Variants in SVOPL observed in about 807,000 individuals in gnomAD.
The protein encoded by SVOPL is SVOP like, also known as putative transporter SVOPL.
SVOPL carries 60 observed loss-of-function variants against 61.0 expected under a neutral mutation model. The ratio of observed to expected loss-of-function variants is 0.98; its 90% CI spans 0.80 to 1.22. The LOEUF is 1.22. Among genes scored for constraint, SVOPL ranks in the 50% most tolerant of loss-of-function variants. The pLI is 0.00. For synonymous variants in SVOPL, 279 were observed against 250.0 expected (o/e 1.12, Z -1.09); for missense variants, 662 against 643.9 (o/e 1.03, Z -0.30).
chr7:138,696,178 G>A (rs1015737467), intron 1 of SVOPL, among the ~76,000 whole-genome samples: 2 of 152,132 alleles, frequency 1.3e-5, no homozygotes, highest in Non-Finnish European at 2.9e-5. Flanking sequence ...CTCACATGTT[G>A]TTGACATGTT....
intron 14 of SVOPL, among the ~76,000 whole-genome samples, chr7:138,597,917 G>A (rs1798347557): frequency 6.6e-6 from 1 of 152,152 alleles, no homozygotes; most frequent in Non-Finnish European, 1.5e-5. Context: ...GGTTGAGTTT[G>A]TTTGGGTCAC....
chr7:138,646,724 G>T (rs539112741), intron 8 of SVOPL, among the ~76,000 whole-genome samples: 1 of 152,190 alleles, frequency 6.6e-6, no homozygotes, highest in African/African-American at 2.4e-5. Flanking sequence ...CTGCCATGTT[G>T]CCCGGGCTGG....
chr7:138,689,166 T>A (rs1036882067), intron 1 of SVOPL: 13 of 1,011,606 alleles, frequency 1.3e-5, no homozygotes, highest in Non-Finnish European at 1.7e-5. Context: ...ATTCCGATGT[T>A]ACAATGGTGG....
intron 13 of SVOPL, among the ~76,000 whole-genome samples, chr7:138,623,823 A>G (rs558685460): frequency 1.1e-4 from 17 of 152,172 alleles, no homozygotes; most frequent in African/African-American, 4.1e-4. Flanking sequence ...TAAAGTCAAT[A>G]ATTTTTTTTT....
chr7:138,641,180 CAG>C lies in SVOPL; in HGVS notation c.789+3535_789+3536del, dbSNP rs1411863370. 5.5e-5 allele frequency among the ~76,000 whole-genome samples: 8 copies of C among 144,496 alleles called. No individual in the cohort carries two copies. In the East Asian group the frequency reaches 1.6e-3, roughly 29 times the overall value. 94.8% of individuals were successfully genotyped at this position (144,496 alleles called of 152,430 possible). On this transcript the variant is annotated intron_variant, in intron 9 of 15. Transcript: ENST00000674285. Reference sequence around the variant, plus strand: ...TACTACTGCACTCCAACCGAGGTGACAGAGTGAGACCCCATCACAAAAAATAA... The same window carrying C: ...TACTACTGCACTCCAACCGAGGTGACAGTGAGACCCCATCACAAAAAATAA...
chr7:138,631,306 T>C (rs1320965417), intron 9 of SVOPL, among the ~76,000 whole-genome samples: 1 of 152,196 alleles, frequency 6.6e-6, no homozygotes, highest in Non-Finnish European at 1.5e-5. Flanking sequence ...GGGGTATCCA[T>C]CCCCTCAACC....
At chr7:138,665,365 A>C (rs1802223046) in intron 4 of SVOPL, among the ~76,000 whole-genome samples, 1 of 151,378 alleles carries the variant, frequency 6.6e-6, no homozygotes, top group Non-Finnish European at 1.5e-5. Flanking sequence ...GTTTAGCACA[A>C]TTGTTCCCAG....
At position 138,597,641 on chromosome 7, in the gene SVOPL, C is replaced by CGTGTGTGTGTGTGTGTGT. The variant is rs60875635; in HGVS notation, c.1354-1129_1354-1112dup. On this transcript the variant is annotated intron_variant, in intron 14 of 15. Coordinates refer to ENST00000674285, the MANE Select transcript of SVOPL (RefSeq NM_001139456.2). ...CAAACAGGAGTTTGTATAACGTCTG[C>CGTGTGTGTGTGTGTGTGT]GTGTGTGTGTGTGTGTGTGTGTGTG... Among the ~76,000 whole-genome samples, 96 of 147,616 alleles carry CGTGTGTGTGTGTGTGTGT rather than the reference C, an allele frequency of 6.5e-4. 1 individual carries two copies. The highest frequency in any genetic ancestry group is 2.7e-3 in the Admixed American group (40 of 14,650).
At chr7:138,618,596 G>T (rs975407560) in intron 14 of SVOPL, among the ~76,000 whole-genome samples, 1 of 152,154 alleles carries the variant, frequency 6.6e-6, no homozygotes, top group African/African-American at 2.4e-5. Context: ...AGGAGGCGGA[G>T]GTTGCAGTGA....
chr7:138,675,511 A>G (rs1802537136), intron 3 of SVOPL, among the ~76,000 whole-genome samples: 1 of 151,666 alleles, frequency 6.6e-6, no homozygotes, highest in South Asian at 2.1e-4. Flanking sequence ...GTGCCACCAT[A>G]CCCCGGTAAT....
intron 7 of SVOPL, among the ~76,000 whole-genome samples, chr7:138,653,369 A>G (rs1420396171): frequency 6.6e-6 from 1 of 152,172 alleles, no homozygotes; most frequent in Non-Finnish European, 1.5e-5. Context: ...TCACGGCTAC[A>G]GAGGAAAAAA....
At chr7:138,622,238 C>CTATG (rs1563096700) in intron 13 of SVOPL, among the ~76,000 whole-genome samples, 1,967 of 58,368 alleles carry the variant, frequency 0.034, 150 homozygotes, top group East Asian at 0.1. Context: ...ATCTATGTAT[C>CTATG]TATCTATCTA....
chr7:138,659,968 C>T lies in SVOPL; in HGVS notation c.366G>A (p.Leu122=), dbSNP rs1458786430. ...GRWKILLISF[L]WGAYFSLLTS... ...TCAGCAAGGAGAAATAGGCTCCCCACAGGAACGAGATGAGCAGAATCTGAA... is the reference window on the plus strand; with the variant it reads ...TCAGCAAGGAGAAATAGGCTCCCCATAGGAACGAGATGAGCAGAATCTGAA... The change falls in exon 6 of 16, where the codon CTG becomes CTA. Residue 122 remains leucine (L), a synonymous_variant. Transcript: ENST00000674285. The T allele has an allele frequency of 2.6e-6, 4 of 1,551,398 alleles. No homozygotes were observed. Among genetic ancestry groups the T allele is most frequent in the Admixed American group, 2.0e-5 (1 of 50,962 alleles).
At chr7:138,618,384 G>A (rs149786667) in intron 14 of SVOPL, among the ~76,000 whole-genome samples, 1 of 152,128 alleles carries the variant, frequency 6.6e-6, no homozygotes, top group Non-Finnish European at 1.5e-5. Context: ...TAGCAGGCTG[G>A]GCACGGTGGC....
At chr7:138,669,633 T>G (rs1471241896) in intron 4 of SVOPL, among the ~76,000 whole-genome samples, 1 of 152,128 alleles carries the variant, frequency 6.6e-6, no homozygotes, top group Non-Finnish European at 1.5e-5. Flanking sequence ...CTCACCTTCC[T>G]GTAATGCGTG....
In SVOPL at chr7:138,656,430, A is replaced by G; in HGVS notation, c.534+18T>C. 6.2e-7 allele frequency: 1 copy of G among 1,613,176 alleles called. No homozygotes were observed. The highest frequency in any genetic ancestry group is 8.5e-7 in the Non-Finnish European group (1 of 1,179,514). On this transcript the variant is annotated intron_variant, in intron 7 of 15. Coordinates refer to ENST00000674285, the MANE Select transcript of SVOPL (RefSeq NM_001139456.2). ...CCATAGGATGCCAAAGGCAGGTAGA[A>G]CTCCTACGTTGCCTTACCTGAGACA...
chr7:138,620,540 G>A lies in SVOPL; in HGVS notation c.1353+506C>T, dbSNP rs550366518. Among the ~76,000 whole-genome samples, 334 of 150,488 alleles carry A rather than the reference G, an allele frequency of 2.2e-3. 1 individual carries two copies. The highest frequency in any genetic ancestry group is 7.9e-3 in the African/African-American group (321 of 40,824). On this transcript the variant is annotated intron_variant, in intron 14 of 15. Transcript: ENST00000674285. ...CCCCAGGGTCGCCATACCTGCCTCT[G>A]TTGTTTCTCCTGAAACAAGCCTCCA...
intron 14 of SVOPL, among the ~76,000 whole-genome samples, chr7:138,618,436 G>A (rs1006049654): frequency 1.1e-4 from 16 of 152,078 alleles, no homozygotes; most frequent in African/African-American, 3.1e-4. Flanking sequence ...GAGGCGGGCC[G>A]ATCACCTGAG....
chr7:138,664,580 T>C (rs1230672492), intron 4 of SVOPL, among the ~76,000 whole-genome samples: 1 of 122,660 alleles, frequency 8.2e-6, no homozygotes, highest in Non-Finnish European at 1.7e-5. Context: ...TCCAGCGCCT[T>C]TAATCCTCCA....
Sources: allele counts gnomAD v4.1 joint callset (sites outside exome capture counted in the v4.1 genomes callset), GRCh38; gene constraint gnomAD v4.1.1; transcripts MANE v1.5; gene names NCBI Gene and HGNC (gene_info 2026-07-23, HGNC 2026-07-21).